CFAP299: variants seen among roughly 807,000 people sequenced by gnomAD.
CFAP299 encodes cilia- and flagella-associated protein 299.
Under a neutral mutation model 27.0 loss-of-function variants are expected in CFAP299, and 21 were observed. The ratio of observed to expected loss-of-function variants is 0.78; its 90% confidence interval spans 0.55 to 1.12. CFAP299 has a LOEUF of 1.12. CFAP299 is among the 50% of genes most tolerant of loss of function. The pLI, the probability that CFAP299 is intolerant of heterozygous loss-of-function variation, is 0.00. For missense variants in CFAP299, 310 were observed against 276.6 expected (o/e 1.12, Z -0.86); for synonymous variants, 104 against 98.1 (o/e 1.06, Z -0.36).
chr4:80,321,838 G>A, the CFAP299 span, among the ~76,000 whole-genome samples: 1 of 152,230 alleles, frequency 6.6e-6, no homozygotes, highest in East Asian at 1.9e-4. Context: ...ATAATAAGGA[G>A]GTCATTGAGT....
chr4:80,358,193 T>C lies in CFAP299; in HGVS notation c.112-4561T>C, dbSNP rs1048059182. Among the ~76,000 whole-genome samples, 8 of 152,202 alleles carry C rather than the reference T, an allele frequency of 5.3e-5. No individual in the cohort carries two copies. The East Asian group carries it at 1.3e-3, about 26-fold the overall frequency. On this transcript the variant is annotated intron_variant, in intron 1 of 5. Coordinates refer to ENST00000358105, the MANE Select transcript of CFAP299 (RefSeq NM_152770.3). ...GATTTCTAGTTTGATTGTGCTTTGG[T>C]CCAAGATATTGTTTGTTATAATTTC...
At chr4:80,528,177 G>T (rs561523451) in intron 2 of CFAP299, among the ~76,000 whole-genome samples, 1 of 151,986 alleles carries the variant, frequency 6.6e-6, no homozygotes, top group African/African-American at 2.4e-5. Flanking sequence ...AACACTGAAG[G>T]CTTTTCCATC....
intron 2 of CFAP299, among the ~76,000 whole-genome samples, chr4:80,396,713 A>G (rs905414309): frequency 1.3e-5 from 2 of 152,190 alleles, no homozygotes; most frequent in Non-Finnish European, 2.9e-5. Flanking sequence ...CCAGCCTTGC[A>G]TCCCAGGGAT....
intron 4 of CFAP299, among the ~76,000 whole-genome samples, chr4:80,900,399 T>A (rs1022847901): frequency 1.3e-5 from 2 of 152,192 alleles, no homozygotes; most frequent in African/African-American, 4.8e-5. Context: ...TGTCTGATTG[T>A]ATATCTCATG....
chr4:80,773,963 A>G (rs1263944727), intron 3 of CFAP299, among the ~76,000 whole-genome samples: 12 of 152,022 alleles, frequency 7.9e-5, no homozygotes, highest in Non-Finnish European at 1.8e-4. Flanking sequence ...TACTGGGTTT[A>G]TACATCAGAT....
At chr4:80,658,086 C>G (rs1740657239) in intron 3 of CFAP299, among the ~76,000 whole-genome samples, 1 of 152,072 alleles carries the variant, frequency 6.6e-6, no homozygotes, top group Non-Finnish European at 1.5e-5. Flanking sequence ...GATTTTGTAT[C>G]CTGAGACTTT....
At chr4:80,876,577 A>T (rs551450542) in intron 4 of CFAP299, among the ~76,000 whole-genome samples, 7 of 152,296 alleles carry the variant, frequency 4.6e-5, no homozygotes, top group African/African-American at 1.7e-4. Context: ...ATAATGGACT[A>T]ATACAAGACC....
chr4:80,684,447 A>G (rs1181601099), intron 3 of CFAP299, among the ~76,000 whole-genome samples: 1 of 152,024 alleles, frequency 6.6e-6, no homozygotes, highest in Non-Finnish European at 1.5e-5. Context: ...GTATTTTTTT[A>G]GTAGAGACGG....
chr4:80,762,414 CT>C (rs1429013052), intron 3 of CFAP299, among the ~76,000 whole-genome samples: 1 of 152,016 alleles, frequency 6.6e-6, no homozygotes, highest in Non-Finnish European at 1.5e-5. Flanking sequence ...GCAAAAACAT[CT>C]TGGTTTGGAT....
chr4:80,762,919 T>TCA (rs1167701055), intron 3 of CFAP299, among the ~76,000 whole-genome samples: 2 of 152,208 alleles, frequency 1.3e-5, no homozygotes, highest in African/African-American at 4.8e-5. Context: ...TGTAACTGGA[T>TCA]CACAGCTCAA....
intron 3 of CFAP299, among the ~76,000 whole-genome samples, chr4:80,836,483 T>C (rs1730568273): frequency 1.3e-5 from 2 of 152,210 alleles, no homozygotes; most frequent in African/African-American, 4.8e-5. Context: ...CTTTGGTTCA[T>C]GGCCCCTTTC....
chr4:80,766,885 A>C (rs1725895178), intron 3 of CFAP299, among the ~76,000 whole-genome samples: 1 of 152,296 alleles, frequency 6.6e-6, no homozygotes, highest in African/African-American at 2.4e-5. Flanking sequence ...AATTTGTTAA[A>C]ATAGTTGTGT....
chr4:80,386,922 T>A (rs1725041330), intron 2 of CFAP299: 2 of 846,306 alleles, frequency 2.4e-6, no homozygotes, highest in Non-Finnish European at 4.1e-6. Flanking sequence ...TGAGTGGTTG[T>A]GAGCGCGCAG....
chr4:80,439,527 T>C (rs576408493), intron 2 of CFAP299, among the ~76,000 whole-genome samples: 2 of 152,284 alleles, frequency 1.3e-5, no homozygotes, highest in African/African-American at 4.8e-5. Context: ...GATACTATGC[T>C]TTTCCCCAGT....
intron 2 of CFAP299, among the ~76,000 whole-genome samples, chr4:80,472,342 A>G (rs1048422843): frequency 1.3e-5 from 2 of 152,196 alleles, no homozygotes; most frequent in Non-Finnish European, 2.9e-5. Context: ...CTATAACACA[A>G]TTGCAATGGC....
intron 2 of CFAP299, among the ~76,000 whole-genome samples, chr4:80,567,641 T>C (rs982874210): frequency 8.6e-5 from 13 of 152,020 alleles, no homozygotes; most frequent in African/African-American, 2.2e-4. Context: ...GTCTGTTGAA[T>C]TGATGCTCAA....
rs376987109 is a variant in CFAP299 at position 80,934,696 on chromosome 4, G to C, written c.477-10114G>C. ...TTTGTTGGTAAGTGTTCATAATAGT[G>C]TTTTAAGATCCTTTGTATTTCTGTG... On this transcript the variant is annotated intron_variant, in intron 4 of 5. Transcript: ENST00000358105. 4.0e-3 allele frequency among the ~76,000 whole-genome samples: 615 copies of C among 151,898 alleles called. 1 individual carries two copies. The highest frequency in any genetic ancestry group is 0.014 in the Middle Eastern group (4 of 294).
intron 2 of CFAP299, among the ~76,000 whole-genome samples, chr4:80,408,301 G>T (rs1726533949): frequency 6.6e-6 from 1 of 152,074 alleles, no homozygotes; most frequent in Admixed American, 6.5e-5. Context: ...GTTTATTTTT[G>T]CCATTCAACT....
chr4:80,651,278 T>TC lies in CFAP299; in HGVS notation c.333+68095_333+68096insC, dbSNP rs1491349307. Among the ~76,000 whole-genome samples the TC allele has an allele frequency of 7.3e-4, 92 of 125,678 alleles. 1 individual carries two copies. The highest frequency in any genetic ancestry group is 2.3e-3 in the African/African-American group (85 of 37,644). The allele number at this position is 125,678 out of a possible 152,430, so 82.4% of individuals were successfully genotyped here. A position where few individuals can be genotyped will look rare whatever the true frequency, so the allele number is the denominator to read the frequency against. On this transcript the variant is annotated intron_variant, in intron 3 of 5. Transcript: ENST00000358105. ...TCCTTCCTTTCTTTCTCTTTCTCTC[T>TC]TTCTCTCTCTTACTCTCTCTCTCTT...
Sources: gnomAD v4.1 joint callset for allele counts (sites outside exome capture counted in the v4.1 genomes callset) on GRCh38, gnomAD v4.1.1 for gene constraint, MANE v1.5 for transcripts, NCBI Gene and HGNC (gene_info 2026-07-23, HGNC 2026-07-21) for gene names.